The following ADAMTSL1 variants were observed in gnomAD, a reference collection of about 807,000 sequenced individuals.
ADAMTSL1 encodes the protein ADAMTS like 1.
Under a neutral mutation model 201.8 loss-of-function variants are expected in ADAMTSL1, and 126 were observed. The observed-to-expected ratio is 0.62, with a 90% CI of 0.54 to 0.72. The LOEUF (loss-of-function observed/expected upper bound fraction) is 0.72. Ranked by LOEUF, ADAMTSL1 falls within the 30% of genes least tolerant of loss-of-function variation. The probability of loss-of-function intolerance (pLI) is 0.00; values close to 1 mark genes in which losing one functional copy is unlikely to be tolerated. For synonymous variants in ADAMTSL1, 1,121 were observed against 903.4 expected (o/e 1.24, Z -4.32); for missense variants, 2,679 against 2,277.8 (o/e 1.18, Z -3.59).
chr9:18,587,037 C>A (rs990509254), intron 4 of ADAMTSL1, among the ~76,000 whole-genome samples: 7 of 151,972 alleles, frequency 4.6e-5, no homozygotes, highest in African/African-American at 1.5e-4. Context: ...GACATAGGAA[C>A]TGGCAAATAT....
rs551930929 is a variant in ADAMTSL1, at chr9:17,945,951, A to C, written c.87+39029A>C. On this transcript the variant is annotated intron_variant, in intron 1 of 29. Coordinates refer to the ADAMTSL1 transcript ENST00000680146. ...CTGCACATGGTGCACATGTACCCTA[A>C]AACTTAAAGTATAATAATAATAATA... is the stretch of plus-strand genomic sequence containing the variant. 1.7e-3 allele frequency among the ~76,000 whole-genome samples: 255 copies of C among 152,010 alleles called. 1 individual carries two copies. The highest frequency in any genetic ancestry group is 5.4e-3 in the African/African-American group (224 of 41,458).
At chr9:18,873,891 T>A (rs1245814156) in intron 23 of ADAMTSL1, among the ~76,000 whole-genome samples, 1 of 152,184 alleles carries the variant, frequency 6.6e-6, no homozygotes, top group African/African-American at 2.4e-5. Context: ...TTTGGCAGTA[T>A]GGTCATTTTC....
chr9:18,099,188 G>A (rs1824382169), intron 1 of ADAMTSL1, among the ~76,000 whole-genome samples: 1 of 149,200 alleles, frequency 6.7e-6, no homozygotes, highest in Non-Finnish European at 1.5e-5. Context: ...AAAAGCTTTG[G>A]CTTACATTAT....
chr9:17,977,867 C>T (rs1288533593), intron 1 of ADAMTSL1, among the ~76,000 whole-genome samples: 1 of 151,878 alleles, frequency 6.6e-6, no homozygotes, highest in South Asian at 2.1e-4. Context: ...AGTTCAAATC[C>T]AATGTTTCCT....
intron 4 of ADAMTSL1, among the ~76,000 whole-genome samples, chr9:18,590,181 G>A (rs777877115): frequency 6.6e-6 from 1 of 152,046 alleles, no homozygotes; most frequent in Non-Finnish European, 1.5e-5. Flanking sequence ...TTTGATGGAA[G>A]ACCATTTATT....
intron 2 of ADAMTSL1, among the ~76,000 whole-genome samples, chr9:18,264,243 T>G (rs1485628533): frequency 3.9e-5 from 6 of 152,220 alleles, no homozygotes; most frequent in Non-Finnish European, 8.8e-5. Flanking sequence ...AAATATAGTT[T>G]CTTTTTCTTG....
In ADAMTSL1 at chr9:18,254,345, G is replaced by GTTTTTTTTTTTTT. The variant is rs59026505; in HGVS notation, c.207+90387_207+90399dup. ...GGAACTACCGTCAATACTCTTTTTG[G>GTTTTTTTTTTTTT]TTTTTTTTTTTTTTTTTTTTTTTTT... On this transcript the variant is annotated intron_variant, in intron 2 of 29. Coordinates refer to the ADAMTSL1 transcript ENST00000680146. Among the ~76,000 whole-genome samples the GTTTTTTTTTTTTT allele has an allele frequency of 2.4e-4, 12 of 49,364 alleles. 3 individuals carry two copies. The highest frequency in any genetic ancestry group is 3.8e-4 in the Non-Finnish European group (11 of 28,706). The allele number at this position is 49,364 out of a possible 152,430, so 32.4% of individuals were successfully genotyped here. A position where few individuals can be genotyped will look rare whatever the true frequency, so the allele number is the denominator to read the frequency against.
intron 13 of ADAMTSL1, among the ~76,000 whole-genome samples, chr9:18,689,111 T>C (rs1363025038): frequency 6.6e-6 from 1 of 152,070 alleles, no homozygotes; most frequent in Non-Finnish European, 1.5e-5. Context: ...AAAGTGTACA[T>C]TTATTTGGTG....
In ADAMTSL1 at chr9:17,924,693, A is replaced by G. The variant is rs867035016; in HGVS notation, c.87+17771A>G. ...TGGATCCCTTCCTTACACCTTATACAAAAATCAACTCAAGATGGATTAAAG... is the reference window on the plus strand; with the variant it reads ...TGGATCCCTTCCTTACACCTTATACGAAAATCAACTCAAGATGGATTAAAG... On this transcript the variant is annotated intron_variant, in intron 1 of 29. Transcript: ENST00000680146. Among the ~76,000 whole-genome samples, 688 of 149,254 alleles carry G rather than the reference A, an allele frequency of 4.6e-3. 3 individuals carry two copies. Among genetic ancestry groups the G allele is most frequent in the African/African-American group, 0.016 (656 of 40,376 alleles).
In ADAMTSL1 at chr9:18,680,405, G is replaced by A. The variant is rs1479535003; in HGVS notation, c.1230G>A (p.Gly410=). ...AVSCVEEDIQ[G]HVTSVEEWKC... is the part of the protein sequence containing the mutation. The stretch of plus-strand genomic sequence containing the variant: ...CCTGTGTGGAGGAGGACATCCAGGG[G>A]CATGTCACTTCAGTGGAAGAGTGGA... The change falls in exon 11 of 29, where the codon GGG becomes GGA. Residue 410 remains glycine, a synonymous_variant. Coordinates refer to ENST00000380548, the MANE Select transcript of ADAMTSL1 (RefSeq NM_001040272.6). 4 of 1,614,168 alleles carry A rather than the reference G, an allele frequency of 2.5e-6. No homozygotes were observed. Among genetic ancestry groups the A allele is most frequent in the Non-Finnish European group, 3.4e-6 (4 of 1,180,036 alleles).
At chr9:18,831,938 G>A (rs1166212873) in intron 23 of ADAMTSL1, among the ~76,000 whole-genome samples, 1 of 152,196 alleles carries the variant, frequency 6.6e-6, no homozygotes, top group Non-Finnish European at 1.5e-5. Context: ...ACTGCAGAAT[G>A]GGTGGGATTC....
At chr9:18,297,478 G>C (rs1041703945) in intron 2 of ADAMTSL1, among the ~76,000 whole-genome samples, 2 of 151,798 alleles carry the variant, frequency 1.3e-5, no homozygotes. Context: ...TGTAATCTCA[G>C]ACGTGAACTT....
intron 2 of ADAMTSL1, among the ~76,000 whole-genome samples, chr9:18,279,254 C>A (rs1380050696): frequency 6.6e-6 from 1 of 151,850 alleles, no homozygotes; most frequent in East Asian, 1.9e-4. Context: ...AAAAGTCAGC[C>A]CTCTGTATAC....
chr9:18,558,830 T>A (rs1420409637), intron 3 of ADAMTSL1, among the ~76,000 whole-genome samples: 1 of 152,214 alleles, frequency 6.6e-6, no homozygotes, highest in Non-Finnish European at 1.5e-5. Context: ...TGTCTGTTCA[T>A]ATCATTTGCC....
At chr9:18,362,561 G>A (rs1483435898) in intron 2 of ADAMTSL1, among the ~76,000 whole-genome samples, 2 of 152,170 alleles carry the variant, frequency 1.3e-5, no homozygotes, top group African/African-American at 4.8e-5. Context: ...TTTGCTGGCA[G>A]TTCACTCTGC....
intron 2 of ADAMTSL1, among the ~76,000 whole-genome samples, chr9:18,398,087 A>G (rs1274537384): frequency 6.6e-6 from 1 of 152,214 alleles, no homozygotes; most frequent in Non-Finnish European, 1.5e-5. Context: ...CTGGCTTTAT[A>G]GTATTGGTTT....
intron 4 of ADAMTSL1, among the ~76,000 whole-genome samples, chr9:18,620,659 C>T (rs1043567110): frequency 6.6e-6 from 1 of 152,156 alleles, no homozygotes; most frequent in African/African-American, 2.4e-5. Flanking sequence ...AATTCGGTTG[C>T]TTTCTGAAGT....
chr9:18,701,619 C>G (rs565728564), intron 13 of ADAMTSL1, among the ~76,000 whole-genome samples: 28 of 152,268 alleles, frequency 1.8e-4, no homozygotes, highest in African/African-American at 6.5e-4. Flanking sequence ...TACACCAAAT[C>G]AAACAGGTAA....
At chr9:17,991,320 CAT>C (rs1819141686) in intron 1 of ADAMTSL1, among the ~76,000 whole-genome samples, 1 of 152,184 alleles carries the variant, frequency 6.6e-6, no homozygotes, top group African/African-American at 2.4e-5. Context: ...TCTATTTAAA[CAT>C]GTGGAAAAAG....
Sources: gnomAD v4.1 joint callset for allele counts (sites outside exome capture counted in the v4.1 genomes callset) on GRCh38, gnomAD v4.1.1 for gene constraint, MANE v1.5 for transcripts, NCBI Gene and HGNC (gene_info 2026-07-23, HGNC 2026-07-21) for gene names.